The following CSMD2 variants were observed in gnomAD, a reference collection of about 807,000 sequenced individuals.
The protein encoded by CSMD2 is CUB and sushi domain-containing protein 2.
CSMD2 carries 130 observed loss-of-function variants against 398.5 expected under a neutral mutation model. The ratio of observed to expected loss-of-function variants is 0.33; its 90% CI spans 0.28 to 0.38. CSMD2 has a LOEUF of 0.38. Among genes scored for constraint, CSMD2 ranks in the 10% least tolerant of loss-of-function variants. CSMD2 has a pLI of 1.00. For synonymous variants in CSMD2, 1,828 were observed against 1,908.5 expected (o/e 0.96, Z 1.10); for missense variants, 3,829 against 4,764.9 (o/e 0.80, Z 5.78).
chr1:33,543,816 T>G (rs1158528642), intron 57 of CSMD2, among the ~76,000 whole-genome samples: 1 of 152,192 alleles, frequency 6.6e-6, no homozygotes, highest in Non-Finnish European at 1.5e-5. Context: ...AATGCTTGAT[T>G]TTTTGTGTGT....
At chr1:33,825,556 T>C (rs1658707097) in intron 7 of CSMD2, 141 bp downstream of exon 7, 2 of 756,750 alleles carry the variant, frequency 2.6e-6, no homozygotes, top group African/African-American at 1.8e-5. Context: ...GGTCAGTGTG[T>C]CCAAGCGCAG....
chr1:33,651,314 G>T (rs1643742561), intron 28 of CSMD2, among the ~76,000 whole-genome samples: 1 of 152,248 alleles, frequency 6.6e-6, no homozygotes, highest in Non-Finnish European at 1.5e-5. Flanking sequence ...AGCCGTGAGA[G>T]CAGGTGTCAA....
intron 5 of CSMD2, among the ~76,000 whole-genome samples, chr1:33,874,767 C>A (rs1409393775): frequency 6.6e-6 from 1 of 152,238 alleles, no homozygotes; most frequent in Non-Finnish European, 1.5e-5. Flanking sequence ...ATTTTCCTCT[C>A]CCCACACTCT....
chr1:33,731,974 C>A (rs917996715), intron 15 of CSMD2, among the ~76,000 whole-genome samples: 2 of 152,044 alleles, frequency 1.3e-5, no homozygotes, highest in Non-Finnish European at 2.9e-5. Context: ...ACAAAATAGG[C>A]CATGAGTTTA....
chr1:33,821,121 C>G (rs567807140), intron 7 of CSMD2, among the ~76,000 whole-genome samples: 9 of 152,202 alleles, frequency 5.9e-5, no homozygotes, highest in African/African-American at 1.7e-4. Flanking sequence ...AGATACTTCT[C>G]GAGCCAGAGT....
chr1:33,515,413 T>C lies in CSMD2; in HGVS notation c.*1211A>G, dbSNP rs1192423032. 1 of 152,280 alleles carries C rather than the reference T, an allele frequency of 6.6e-6. No homozygotes were observed. Among genetic ancestry groups the C allele is most frequent in the Non-Finnish European group, 1.5e-5 (1 of 68,126 alleles). 9.4% of individuals were successfully genotyped at this position (152,280 alleles called of 1,614,324 possible). Reference sequence around the variant, plus strand: ...TCCAGACCTGGCCACAGTGCTACTGTAGAGATTCATCGGCTCCTCCCTTCT... The same window carrying C: ...TCCAGACCTGGCCACAGTGCTACTGCAGAGATTCATCGGCTCCTCCCTTCT... On this transcript the variant is annotated 3_prime_UTR_variant, in exon 71 of 71. Transcript: ENST00000373381.
At chr1:33,830,782 A>T (rs1161900703) in intron 6 of CSMD2, among the ~76,000 whole-genome samples, 1 of 152,180 alleles carries the variant, frequency 6.6e-6, no homozygotes, top group Non-Finnish European at 1.5e-5. Context: ...AGAAGAATGT[A>T]TAACTAGAAT....
At chr1:33,603,657 C>T (rs1456103022) in intron 42 of CSMD2, among the ~76,000 whole-genome samples, 2 of 152,218 alleles carry the variant, frequency 1.3e-5, no homozygotes, top group African/African-American at 4.8e-5. Flanking sequence ...GCACACACAC[C>T]ACTGGGACAC....
At chr1:33,729,587 G>C (rs997095610) in intron 15 of CSMD2, among the ~76,000 whole-genome samples, 9 of 149,744 alleles carry the variant, frequency 6.0e-5, no homozygotes, top group Non-Finnish European at 1.2e-4. Flanking sequence ...CCATTAACTC[G>C]TCATTTAGCA....
chr1:33,785,540 A>G (rs1288009746), intron 12 of CSMD2, among the ~76,000 whole-genome samples: 2 of 152,234 alleles, frequency 1.3e-5, no homozygotes, highest in African/African-American at 2.4e-5. Flanking sequence ...CCATTTTATC[A>G]TTGTAAGCAA....
At chr1:33,743,008 G>T (rs1233336475) in intron 14 of CSMD2, among the ~76,000 whole-genome samples, 1 of 152,160 alleles carries the variant, frequency 6.6e-6, no homozygotes, top group Non-Finnish European at 1.5e-5. Context: ...CAAAAATGAG[G>T]TTCCAGGTTC....
At chr1:33,956,841 C>T (rs1645186087) in intron 3 of CSMD2, among the ~76,000 whole-genome samples, 1 of 152,130 alleles carries the variant, frequency 6.6e-6, no homozygotes, top group Non-Finnish European at 1.5e-5. Context: ...CAAATTAGAG[C>T]ATGTCTCTCC....
intron 3 of CSMD2, among the ~76,000 whole-genome samples, chr1:33,949,131 G>A (rs1325526288): frequency 6.6e-6 from 1 of 152,172 alleles, no homozygotes; most frequent in African/African-American, 2.4e-5. Context: ...CAATAAAATG[G>A]GGGTAATAAT....
intron 22 of CSMD2, among the ~76,000 whole-genome samples, chr1:33,707,114 G>T (rs1645812451): frequency 6.6e-6 from 1 of 152,122 alleles, no homozygotes; most frequent in Non-Finnish European, 1.5e-5. Context: ...TATGTCTTAG[G>T]TGCTATTCTG....
chr1:34,159,752 G>A (rs1269913552), intron 1 of CSMD2, among the ~76,000 whole-genome samples: 1 of 152,210 alleles, frequency 6.6e-6, no homozygotes, highest in Non-Finnish European at 1.5e-5. Context: ...CAGTGAATAT[G>A]AGCTGTTATT....
intron 14 of CSMD2, among the ~76,000 whole-genome samples, chr1:33,740,831 G>A (rs183739386): frequency 1.3e-3 from 200 of 152,188 alleles, no homozygotes; most frequent in Non-Finnish European, 1.9e-3. Flanking sequence ...ATACACGCGC[G>A]CGCGTGCATG....
At chr1:33,750,630 T>C (rs1557837619) in intron 13 of CSMD2, among the ~76,000 whole-genome samples, 1 of 152,168 alleles carries the variant, frequency 6.6e-6, no homozygotes. Flanking sequence ...TATACTATAT[T>C]GACTTCAAAA....
chr1:34,001,496 G>A (rs1356758186), intron 3 of CSMD2, among the ~76,000 whole-genome samples: 1 of 152,190 alleles, frequency 6.6e-6, no homozygotes, highest in East Asian at 1.9e-4. Context: ...GAGCTCCGAG[G>A]AGAACTGCAG....
At position 33,520,874 on chromosome 1, in the gene CSMD2, C is replaced by G. The variant is rs539844313; in HGVS notation, c.10597+589G>C. Among the ~76,000 whole-genome samples, 36 of 152,314 alleles carry G rather than the reference C, an allele frequency of 2.4e-4. 1 individual carries two copies. Among genetic ancestry groups the G allele is most frequent in the Middle Eastern group, 3.4e-3 (1 of 292 alleles). On this transcript the variant is annotated intron_variant, in intron 68 of 70. Coordinates refer to ENST00000373381, the MANE Select transcript of CSMD2 (RefSeq NM_001281956.2). Reference sequence around the variant, plus strand: ...CTTCTGAGAAACCAGACCCCTCCCCCCACCAGAGTCTGAGGCTGGGCACCC... The same window carrying G: ...CTTCTGAGAAACCAGACCCCTCCCCGCACCAGAGTCTGAGGCTGGGCACCC...
Sources: gnomAD v4.1 joint callset for allele counts (sites outside exome capture counted in the v4.1 genomes callset) on GRCh38, gnomAD v4.1.1 for gene constraint, MANE v1.5 for transcripts, NCBI Gene and HGNC (gene_info 2026-07-23, HGNC 2026-07-21) for gene names.